The following PPARGC1A variants were observed in gnomAD, a reference collection of about 807,000 sequenced individuals.
The protein encoded by PPARGC1A is peroxisome proliferator-activated receptor gamma coactivator 1-alpha.
A neutral mutation model predicts 88.7 loss-of-function variants in PPARGC1A; 25 were observed. That is an observed-to-expected ratio of 0.28 (90% confidence interval 0.21 to 0.39). The LOEUF (loss-of-function observed/expected upper bound fraction) is 0.39. PPARGC1A is among the 10% of genes least tolerant of loss of function. The probability of loss-of-function intolerance (pLI) is 1.00; values close to 1 mark genes in which losing one functional copy is unlikely to be tolerated. For missense variants in PPARGC1A, 880 were observed against 968.7 expected (o/e 0.91, Z 1.22); for synonymous variants, 363 against 355.6 (o/e 1.02, Z -0.24).
At chr4:24,045,093 A>G in the PPARGC1A span, among the ~76,000 whole-genome samples, 5 of 152,110 alleles carry the variant, frequency 3.3e-5, no homozygotes, top group Admixed American at 1.3e-4. Flanking sequence ...TCTTACACAG[A>G]AGAGATCATT....
chr4:23,896,412 T>A (rs1206570453), intron 1 of PPARGC1A, among the ~76,000 whole-genome samples: 1 of 152,146 alleles, frequency 6.6e-6, no homozygotes, highest in East Asian at 1.9e-4. Context: ...ATATTATATC[T>A]CAAATATGCA....
chr4:23,985,768 A>G, the PPARGC1A span, among the ~76,000 whole-genome samples: 1 of 152,104 alleles, frequency 6.6e-6, no homozygotes, highest in African/African-American at 2.4e-5. Context: ...TAATTTACAT[A>G]TCTTTATAAT....
chr4:24,203,944 C>A, the PPARGC1A span, among the ~76,000 whole-genome samples: 57 of 152,320 alleles, frequency 3.7e-4, 1 homozygote, highest in African/African-American at 1.3e-3. Flanking sequence ...TAGAGCATAA[C>A]CTCCAGAAAT....
the PPARGC1A span, among the ~76,000 whole-genome samples, chr4:24,286,600 G>A: frequency 6.6e-6 from 1 of 152,202 alleles, no homozygotes; most frequent in Admixed American, 6.5e-5. Flanking sequence ...GAAGATGGCT[G>A]AGTGAAGGCA....
the PPARGC1A span, among the ~76,000 whole-genome samples, chr4:24,032,458 CT>C: frequency 6.6e-6 from 1 of 152,216 alleles, no homozygotes; most frequent in Non-Finnish European, 1.5e-5. Flanking sequence ...GACCACTGAG[CT>C]ACCATTCCTC....
At chr4:23,877,412 C>CCTGTA (rs1714971272) in intron 2 of PPARGC1A, among the ~76,000 whole-genome samples, 1 of 148,014 alleles carries the variant, frequency 6.8e-6, no homozygotes, top group Admixed American at 6.7e-5. Flanking sequence ...GTAGCAGTCG[C>CCTGTA]CTGTAGTCCC....
At chr4:23,984,913 G>A in the PPARGC1A span, among the ~76,000 whole-genome samples, 6 of 152,056 alleles carry the variant, frequency 3.9e-5, no homozygotes. Context: ...CCCAGGCATT[G>A]GGAAGTTCTT....
the PPARGC1A span, among the ~76,000 whole-genome samples, chr4:24,083,626 C>T: frequency 6.6e-6 from 1 of 152,138 alleles, no homozygotes; most frequent in African/African-American, 2.4e-5. Context: ...CTCCCAGCCT[C>T]TAAGCCAATG....
chr4:23,818,812 T>C (rs1362342895), intron 7 of PPARGC1A, among the ~76,000 whole-genome samples: 2 of 151,586 alleles, frequency 1.3e-5, no homozygotes, highest in Non-Finnish European at 2.9e-5. Flanking sequence ...GCTCTGTTTC[T>C]TGTGATGTGC....
the PPARGC1A span, among the ~76,000 whole-genome samples, chr4:24,345,227 C>T: frequency 2.5e-4 from 37 of 150,184 alleles, no homozygotes; most frequent in Admixed American, 9.3e-4. Flanking sequence ...AGGCTTGCTT[C>T]GGCTATGTGG....
chr4:24,411,498 A>G, the PPARGC1A span, among the ~76,000 whole-genome samples: 2 of 152,180 alleles, frequency 1.3e-5, no homozygotes, highest in East Asian at 3.8e-4. Flanking sequence ...ATTTGTTACA[A>G]TCTGTGAACC....
At chr4:23,851,388 T>A (rs7665116) in intron 2 of PPARGC1A, among the ~76,000 whole-genome samples, 4 of 151,986 alleles carry the variant, frequency 2.6e-5, no homozygotes, top group African/African-American at 7.3e-5. Flanking sequence ...GACAATGCAA[T>A]GGCTATGGAC....
At chr4:24,315,962 G>A in the PPARGC1A span, among the ~76,000 whole-genome samples, 2 of 152,052 alleles carry the variant, frequency 1.3e-5, no homozygotes, top group African/African-American at 2.4e-5. Context: ...CAAGAGTTTT[G>A]GCCTGCTTGA....
the PPARGC1A span, among the ~76,000 whole-genome samples, chr4:24,169,573 A>G: frequency 6.6e-6 from 1 of 152,108 alleles, no homozygotes; most frequent in South Asian, 2.1e-4. Flanking sequence ...ATTTAAAAAA[A>G]AAAAGGATAA....
At chr4:24,277,703 A>G in the PPARGC1A span, among the ~76,000 whole-genome samples, 2 of 152,154 alleles carry the variant, frequency 1.3e-5, no homozygotes, top group Non-Finnish European at 2.9e-5. Flanking sequence ...TTCCTTGTTT[A>G]AAAGACTAAC....
chr4:24,006,456 GA>G, the PPARGC1A span, among the ~76,000 whole-genome samples: 1 of 152,224 alleles, frequency 6.6e-6, no homozygotes, highest in African/African-American at 2.4e-5. Flanking sequence ...CAAGAGCAAT[GA>G]CTTTGCAATT....
the PPARGC1A span, among the ~76,000 whole-genome samples, chr4:24,421,466 A>G: frequency 6.6e-6 from 1 of 151,972 alleles, no homozygotes; most frequent in African/African-American, 2.4e-5. Context: ...GCCCGCCATC[A>G]AGTCCGGCTA....
chr4:24,407,073 G>A, the PPARGC1A span, among the ~76,000 whole-genome samples: 1 of 152,130 alleles, frequency 6.6e-6, no homozygotes. Flanking sequence ...AGACATGCAT[G>A]TATTTCTTGA....
the PPARGC1A span, among the ~76,000 whole-genome samples, chr4:24,465,938 A>T: frequency 1.3e-3 from 202 of 152,340 alleles, no homozygotes; most frequent in Non-Finnish European, 2.4e-3. Context: ...TGTATCCCTC[A>T]CTATATATAT....
Sources: allele counts gnomAD v4.1 joint callset (sites outside exome capture counted in the v4.1 genomes callset), GRCh38; gene constraint gnomAD v4.1.1; transcripts MANE v1.5; gene names NCBI Gene and HGNC (gene_info 2026-07-23, HGNC 2026-07-21).